Variants in ARHGAP39 observed in about 807,000 individuals in gnomAD.
ARHGAP39 encodes Rho GTPase activating protein 39.
In ARHGAP39, 44 loss-of-function variants were observed where a neutral mutation model predicts 106.9. The observed-to-expected ratio is 0.41, with a 90% CI of 0.32 to 0.53. ARHGAP39 has a LOEUF of 0.53. Ranked by LOEUF, ARHGAP39 falls within the 20% of genes least tolerant of loss-of-function variation. The pLI is 0.21. For synonymous variants in ARHGAP39, 768 were observed against 693.2 expected (o/e 1.11, Z -1.69); for missense variants, 1,496 against 1,577.3 (o/e 0.95, Z 0.87).
rs566605918 is a variant in ARHGAP39 at position 144,564,811 on chromosome 8, A to T, written c.513-9168T>A. Among the ~76,000 whole-genome samples the T allele has an allele frequency of 4.8e-5, 6 of 125,334 alleles. No individual in the cohort carries two copies. In the East Asian group the frequency reaches 1.1e-3, roughly 23 times the overall value. 82.2% of individuals were successfully genotyped at this position (125,334 alleles called of 152,430 possible). A position where few individuals can be genotyped will look rare whatever the true frequency, so the allele number is the denominator to read the frequency against. On this transcript the variant is annotated intron_variant, in intron 3 of 11. Coordinates refer to ENST00000377307, the MANE Select transcript of ARHGAP39 (RefSeq NM_025251.3). ...GCCTGGGCAACATAGTGAGATCTCT[A>T]AAAAAAAAAAAAAAGGCCAGGCATG...
intron 1 of ARHGAP39, among the ~76,000 whole-genome samples, chr8:144,678,542 A>G (rs1822303200): frequency 1.3e-5 from 2 of 152,184 alleles, no homozygotes; most frequent in African/African-American, 4.8e-5. Context: ...ACCACATGGC[A>G]GTTTTTCTGG....
chr8:144,672,567 A>AGAC (rs1290065479), intron 1 of ARHGAP39, among the ~76,000 whole-genome samples: 1 of 152,188 alleles, frequency 6.6e-6, no homozygotes, highest in Non-Finnish European at 1.5e-5. Context: ...GGAGCTGGGG[A>AGAC]GACAGCAGTG....
At chr8:144,551,046 GA>G (rs1276411459) in intron 4 of ARHGAP39, among the ~76,000 whole-genome samples, 2 of 152,216 alleles carry the variant, frequency 1.3e-5, no homozygotes, top group Non-Finnish European at 2.9e-5. Context: ...CGGTCAATGC[GA>G]ACCATTAGTT....
At chr8:144,533,995 C>A (rs574714146) in intron 8 of ARHGAP39, 134 bp downstream of exon 8, 2 of 1,007,452 alleles carry the variant, frequency 2.0e-6, no homozygotes, top group Admixed American at 4.4e-5. Flanking sequence ...CCCCGCCACC[C>A]GCCTAGGCGG....
At chr8:144,667,287 C>A (rs1181411652) in intron 1 of ARHGAP39, among the ~76,000 whole-genome samples, 3 of 152,222 alleles carry the variant, frequency 2.0e-5, no homozygotes, top group Non-Finnish European at 4.4e-5. Flanking sequence ...CCAGCCTCTG[C>A]ACTGGGCATT....
intron 1 of ARHGAP39, among the ~76,000 whole-genome samples, chr8:144,616,014 G>A (rs903250398): frequency 1.3e-5 from 2 of 152,252 alleles, no homozygotes; most frequent in African/African-American, 2.4e-5. Context: ...TTTCTGGGAG[G>A]GGGAAAGGAG....
chr8:144,627,129 C>T (rs1332798581), intron 1 of ARHGAP39, among the ~76,000 whole-genome samples: 1 of 152,246 alleles, frequency 6.6e-6, no homozygotes, highest in Non-Finnish European at 1.5e-5. Flanking sequence ...AAGGCTGCAG[C>T]TGCCTCTGCT....
chr8:144,546,737 CA>C (rs953675716), intron 5 of ARHGAP39, among the ~76,000 whole-genome samples: 4 of 152,202 alleles, frequency 2.6e-5, no homozygotes, highest in Non-Finnish European at 5.9e-5. Context: ...CTTTGAGAAC[CA>C]CCAGGGAACC....
chr8:144,686,688 C>A (rs552818015), upstream of ARHGAP39, among the ~76,000 whole-genome samples: 1 of 152,204 alleles, frequency 6.6e-6, no homozygotes, highest in African/African-American at 2.4e-5. Context: ...TCGCCGCCCG[C>A]GCTTCCCTGT....
intron 3 of ARHGAP39, among the ~76,000 whole-genome samples, chr8:144,576,794 G>A (rs1206870312): frequency 1.2e-4 from 19 of 152,104 alleles, no homozygotes; most frequent in Admixed American, 3.9e-4. Context: ...AAATGTTAAC[G>A]CCAAGTCCGC....
At chr8:144,698,802 G>A in the ARHGAP39 span, 1 of 455,494 alleles carries the variant, frequency 2.2e-6, no homozygotes, top group Admixed American at 2.4e-5. Flanking sequence ...TTGTTGGCTT[G>A]GGTATCAGTG....
At chr8:144,572,837 A>G (rs1218023937) in intron 3 of ARHGAP39, among the ~76,000 whole-genome samples, 3 of 152,260 alleles carry the variant, frequency 2.0e-5, no homozygotes, top group Non-Finnish European at 2.9e-5. Flanking sequence ...ATTTCTCAAA[A>G]GAAGACATTT....
In ARHGAP39 at chr8:144,534,114, C is replaced by T. The variant is rs780717497; in HGVS notation, c.2688+15G>A. 6.2e-7 allele frequency: 1 copy of T among 1,611,898 alleles called. No individual in the cohort carries two copies. Among genetic ancestry groups the T allele is most frequent in the Admixed American group, 1.7e-5 (1 of 59,916 alleles). Reference sequence around the variant, plus strand: ...TCCCCGCCTGCCCTCCCCGGCCCCCCAGGCGCACCCGTACCTTCTTGGCCC... The same window carrying T: ...TCCCCGCCTGCCCTCCCCGGCCCCCTAGGCGCACCCGTACCTTCTTGGCCC... On this transcript the variant is annotated intron_variant, in intron 8 of 11. Coordinates refer to ENST00000377307, the MANE Select transcript of ARHGAP39 (RefSeq NM_025251.3).
At chr8:144,633,143 T>TTTTTG (rs1821103786) in intron 1 of ARHGAP39, among the ~76,000 whole-genome samples, 2 of 148,724 alleles carry the variant, frequency 1.3e-5, no homozygotes, top group South Asian at 4.3e-4. Context: ...CCCTGTTTTT[T>TTTTTG]TTTGTTTGTT....
Position 144,529,438 on chromosome 8 carries a change from G to T in ARHGAP39, c.*984C>A, listed in dbSNP as rs1293803696. The T allele has an allele frequency of 6.6e-6, 1 of 151,816 alleles. No homozygotes were observed. The highest frequency in any genetic ancestry group is 2.0e-4 in the East Asian group (1 of 5,108). The allele number at this position is 151,816 out of a possible 1,614,324, so 9.4% of individuals were successfully genotyped here. Reference sequence around the variant, plus strand: ...TCCAAAATGGAAAATGTACAAACTCGGTCCCCCAGCAGCTCTGGCCCCGAG... The same window carrying T: ...TCCAAAATGGAAAATGTACAAACTCTGTCCCCCAGCAGCTCTGGCCCCGAG... On this transcript the variant is annotated 3_prime_UTR_variant, in exon 12 of 12. Transcript: ENST00000377307.
chr8:144,592,091 T>C (rs1378123547), intron 2 of ARHGAP39, among the ~76,000 whole-genome samples: 1 of 152,220 alleles, frequency 6.6e-6, no homozygotes, highest in Non-Finnish European at 1.5e-5. Flanking sequence ...CCAATTGTTA[T>C]TTTTGTTTAA....
At chr8:144,571,115 C>T (rs555680649) in intron 3 of ARHGAP39, among the ~76,000 whole-genome samples, 1 of 152,278 alleles carries the variant, frequency 6.6e-6, no homozygotes, top group African/African-American at 2.4e-5. Context: ...AGAGGGAATC[C>T]TCCCTAACTC....
rs1822524523 is a variant in ARHGAP39 at position 144,684,486 on chromosome 8, A to G, written c.-82+1200T>C. 6.6e-6 allele frequency among the ~76,000 whole-genome samples: 1 copy of G among 152,192 alleles called. No homozygotes were observed. Among genetic ancestry groups the G allele is most frequent in the Non-Finnish European group, 1.5e-5 (1 of 68,032 alleles). On this transcript the variant is annotated intron_variant, in intron 1 of 11. Coordinates refer to ENST00000377307, the MANE Select transcript of ARHGAP39 (RefSeq NM_025251.3). This position sits in a 1 kb window ranked among gnomAD's most constrained non-coding sequence, Gnocchi z 4.4. Reference sequence around the variant, plus strand: ...CTCACCACTGTAGGTTTTTCAGCAGAGGTCACTGGAGGTCTGGTTAAACCC... The same window carrying G: ...CTCACCACTGTAGGTTTTTCAGCAGGGGTCACTGGAGGTCTGGTTAAACCC...
Position 144,530,420 on chromosome 8 carries a change from C to T in ARHGAP39, c.*2G>A, listed in dbSNP as rs199861857. On this transcript the variant is annotated 3_prime_UTR_variant, in exon 12 of 12. Coordinates refer to ENST00000377307, the MANE Select transcript of ARHGAP39 (RefSeq NM_025251.3). ...CATCCCTCCTGTCCCCGGGCGCCCC[C>T]GCTACAGCACACCCTCCATGAAGCT... is the stretch of plus-strand genomic sequence containing the variant. 6.9e-6 allele frequency: 11 copies of T among 1,594,100 alleles called. No homozygotes were observed. In the African/African-American group the frequency reaches 1.3e-4, roughly 19 times the overall value.
Sources: allele counts gnomAD v4.1 joint callset (sites outside exome capture counted in the v4.1 genomes callset), GRCh38; gene constraint gnomAD v4.1.1; non-coding constraint Gnocchi (gnomAD v3.1); transcripts MANE v1.5; gene names NCBI Gene and HGNC (gene_info 2026-07-23, HGNC 2026-07-21).